UNC13B: variants seen among roughly 807,000 people sequenced by gnomAD.
UNC13B encodes the protein protein unc-13 homolog B.
In UNC13B, 144 loss-of-function variants were observed where a neutral mutation model predicts 211.0. The ratio of observed to expected loss-of-function variants is 0.68; its 90% CI spans 0.60 to 0.78. UNC13B has a LOEUF of 0.78. UNC13B is among the 30% of genes least tolerant of loss of function. The pLI, the probability that UNC13B is intolerant of heterozygous loss-of-function variation, is 0.00. For missense variants in UNC13B, 1,777 were observed against 2,002.0 expected (o/e 0.89, Z 2.14); for synonymous variants, 709 against 725.8 (o/e 0.98, Z 0.37).
At chr9:35,317,902 T>C (rs1830546344) in intron 11 of UNC13B, among the ~76,000 whole-genome samples, 1 of 152,126 alleles carries the variant, frequency 6.6e-6, no homozygotes, top group Non-Finnish European at 1.5e-5. Context: ...TTTTTATTTC[T>C]AAGTTTTTTA....
intron 1 of UNC13B, among the ~76,000 whole-genome samples, chr9:35,189,755 C>T (rs1445449577): frequency 7.2e-5 from 11 of 152,152 alleles, no homozygotes; most frequent in Non-Finnish European, 1.2e-4. Context: ...CCGCAACCTC[C>T]GCCTCCCAGG....
At chr9:35,231,651 C>G (rs1386502579) in intron 3 of UNC13B, among the ~76,000 whole-genome samples, 1 of 152,078 alleles carries the variant, frequency 6.6e-6, no homozygotes, top group Non-Finnish European at 1.5e-5. Flanking sequence ...TCATGTGTAC[C>G]TCAGTCATCT....
chr9:35,208,269 G>A (rs1278308430), intron 1 of UNC13B, among the ~76,000 whole-genome samples: 2 of 151,986 alleles, frequency 1.3e-5, no homozygotes, highest in Non-Finnish European at 2.9e-5. Flanking sequence ...CTTTTAATAA[G>A]GCACCCATCT....
chr9:35,352,496 C>G (rs1406926075), intron 11 of UNC13B: 2 of 1,231,938 alleles, frequency 1.6e-6, no homozygotes, highest in Non-Finnish European at 1.0e-6. Context: ...ATTTTTTCAA[C>G]AACAACATCA....
intron 1 of UNC13B, among the ~76,000 whole-genome samples, chr9:35,221,763 A>G (rs1824577417): frequency 6.6e-6 from 1 of 152,202 alleles, no homozygotes; most frequent in South Asian, 2.1e-4. Flanking sequence ...TTTCTTCCAG[A>G]TATTTCATAG....
At chr9:35,389,700 T>A (rs1259795497) in intron 24 of UNC13B, 146 bp from the exon 25 acceptor site, 1 of 786,428 alleles carries the variant, frequency 1.3e-6, no homozygotes, top group Non-Finnish European at 2.0e-6. Flanking sequence ...GATAGTCTTG[T>A]GGAAGACAGG....
chr9:35,295,189 T>A (rs1829290928), intron 7 of UNC13B, among the ~76,000 whole-genome samples: 1 of 152,190 alleles, frequency 6.6e-6, no homozygotes, highest in Non-Finnish European at 1.5e-5. Context: ...GACCAGCTTC[T>A]GATGTTAGAC....
chr9:35,340,759 G>A (rs1264588668), intron 11 of UNC13B, among the ~76,000 whole-genome samples: 2 of 152,194 alleles, frequency 1.3e-5, no homozygotes, highest in Non-Finnish European at 2.9e-5. Flanking sequence ...GGCTGATCGA[G>A]CTCTATATTG....
chr9:35,397,473 G>A (rs1835960805), intron 29 of UNC13B, among the ~76,000 whole-genome samples, 162 bp from the exon 30 acceptor site: 1 of 152,206 alleles, frequency 6.6e-6, no homozygotes, highest in Non-Finnish European at 1.5e-5. Flanking sequence ...TTCTGTCTTA[G>A]TGCTGTTCTG....
chr9:35,341,937 CAGTTGA>C, intron 11 of UNC13B: 1 of 985,582 alleles, frequency 1.0e-6, no homozygotes, highest in Non-Finnish European at 1.2e-6. Context: ...ATTCCACATC[CAGTTGA>C]AGTTTGGCTG....
intron 11 of UNC13B, among the ~76,000 whole-genome samples, chr9:35,350,110 C>T (rs924012115): frequency 7.9e-5 from 12 of 152,280 alleles, no homozygotes; most frequent in Admixed American, 7.2e-4. Context: ...CCATGTGCCT[C>T]CTAGATCTCT....
chr9:35,313,677 A>AAATAAAT (rs1564130061), intron 10 of UNC13B, among the ~76,000 whole-genome samples: 6 of 131,836 alleles, frequency 4.6e-5, no homozygotes, highest in African/African-American at 1.3e-4. Flanking sequence ...AATAAATAAA[A>AAATAAAT]GAGGGAACAG....
In UNC13B at chr9:35,327,629, C is replaced by G. The variant is rs57117622; in HGVS notation, c.9414+13640C>G. Among the ~76,000 whole-genome samples, 297 of 152,286 alleles carry G rather than the reference C, an allele frequency of 2.0e-3. 2 individuals are homozygous for G. The highest frequency in any genetic ancestry group is 6.9e-3 in the African/African-American group (286 of 41,550). On this transcript the variant is annotated intron_variant, in intron 11 of 39. Transcript: ENST00000635942. ...CCACCCACATTGAGGGTGGGTCTTC[C>G]TCTCCCAGTCCACCAACTCAAATTT...
intron 1 of UNC13B, among the ~76,000 whole-genome samples, chr9:35,163,133 T>A (rs1453677933): frequency 6.6e-6 from 1 of 152,222 alleles, no homozygotes; most frequent in Non-Finnish European, 1.5e-5. Flanking sequence ...TTCAGAGAGA[T>A]TATCTGATCA....
intron 11 of UNC13B, among the ~76,000 whole-genome samples, chr9:35,340,794 T>C (rs1224440430): frequency 6.6e-6 from 1 of 152,176 alleles, no homozygotes; most frequent in Non-Finnish European, 1.5e-5. Flanking sequence ...GTTATCTAGG[T>C]TCATTATGCG....
chr9:35,322,339 G>C (rs188849731), intron 11 of UNC13B, among the ~76,000 whole-genome samples: 50 of 152,262 alleles, frequency 3.3e-4, no homozygotes, highest in Admixed American at 1.3e-3. Context: ...CGGAGATTGC[G>C]GTGGCAGCGG....
rs769131506 is a variant in UNC13B at position 35,376,078 on chromosome 9, G to A, written c.9666G>A (p.Ser3222=). The A allele has an allele frequency of 2.5e-5, 40 of 1,614,092 alleles. No homozygotes were observed. Among genetic ancestry groups the A allele is most frequent in the Middle Eastern group, 1.6e-4 (1 of 6,084 alleles). Reference sequence around the variant, plus strand: ...TGCAGGCCTTAATCTACCCCATTTCGTGCACCACTCCTCATAACTTTGAGG... The same window carrying A: ...TGCAGGCCTTAATCTACCCCATTTCATGCACCACTCCTCATAACTTTGAGG... ...KTLQALIYPI[S]CTTPHNFEVW... Residue 3222 remains serine, a synonymous_variant, in exon 15 of 40, where the codon TCG becomes TCA. Coordinates refer to ENST00000635942, the MANE Select transcript of UNC13B (RefSeq NM_001371189.2).
intron 11 of UNC13B, among the ~76,000 whole-genome samples, chr9:35,338,724 C>A (rs1457644633): frequency 6.6e-6 from 1 of 152,180 alleles, no homozygotes; most frequent in African/African-American, 2.4e-5. Context: ...CGCACCCATC[C>A]TTTGTACTCT....
chr9:35,385,891 G>A, intron 23 of UNC13B, 78 bp downstream of exon 23: 1 of 1,543,020 alleles, frequency 6.5e-7, no homozygotes, highest in Non-Finnish European at 8.8e-7. Context: ...GAATCATTGG[G>A]CAGAGTCTGA....
Sources: allele counts gnomAD v4.1 joint callset (sites outside exome capture counted in the v4.1 genomes callset), GRCh38; gene constraint gnomAD v4.1.1; transcripts MANE v1.5; gene names NCBI Gene and HGNC (gene_info 2026-07-23, HGNC 2026-07-21).